The following WNK1 variants were observed in gnomAD, a reference collection of about 807,000 sequenced individuals.
WNK1 encodes serine/threonine-protein kinase WNK1.
A neutral mutation model predicts 222.8 loss-of-function variants in WNK1; 38 were observed. The ratio of observed to expected loss-of-function variants is 0.17; its 90% CI spans 0.13 to 0.22. The LOEUF (loss-of-function observed/expected upper bound fraction) is 0.22. Ranked by LOEUF, WNK1 falls within the 10% of genes least tolerant of loss-of-function variation. The probability of loss-of-function intolerance (pLI) is 1.00; values close to 1 mark genes in which losing one functional copy is unlikely to be tolerated. For missense variants in WNK1, 2,348 were observed against 2,918.4 expected (o/e 0.80, Z 4.50); for synonymous variants, 1,090 against 1,092.9 (o/e 1.00, Z 0.05).
At chr12:890,327 C>A in intron 21 of WNK1, 126 bp from the exon 22 acceptor site, 2 of 941,134 alleles carry the variant, frequency 2.1e-6, no homozygotes, top group Non-Finnish European at 3.4e-6. Context: ...TGTTCTCAGA[C>A]ATAAGTGTTT....
At chr12:892,990 C>A (rs1383239620) in intron 22 of WNK1, among the ~76,000 whole-genome samples, 1 of 152,206 alleles carries the variant, frequency 6.6e-6, no homozygotes, top group Non-Finnish European at 1.5e-5. Context: ...CATGGTGGCT[C>A]ACACCTCTAA....
chr12:879,298 A>G (rs1380847547), intron 10 of WNK1, among the ~76,000 whole-genome samples: 1 of 152,008 alleles, frequency 6.6e-6, no homozygotes, highest in Non-Finnish European at 1.5e-5. Context: ...TCTATTGCCA[A>G]ATGCTGAAGC....
At chr12:767,866 C>G (rs1941969423) in intron 1 of WNK1, among the ~76,000 whole-genome samples, 1 of 152,096 alleles carries the variant, frequency 6.6e-6, no homozygotes, top group Non-Finnish European at 1.5e-5. Flanking sequence ...AGATTTTTAT[C>G]AGGTCACACA....
intron 4 of WNK1, among the ~76,000 whole-genome samples, chr12:842,528 A>G (rs1302103436): frequency 6.6e-6 from 1 of 152,118 alleles, no homozygotes; most frequent in Admixed American, 6.6e-5. Context: ...TTTTTACCCT[A>G]TAATTACTAC....
intron 1 of WNK1, among the ~76,000 whole-genome samples, chr12:779,376 C>G (rs1943442739): frequency 6.9e-6 from 1 of 145,234 alleles, no homozygotes; most frequent in South Asian, 2.2e-4. Flanking sequence ...CTTTGCCTTT[C>G]TTTTCTTTCT....
At chr12:816,007 T>C (rs946791298) in intron 2 of WNK1, among the ~76,000 whole-genome samples, 1 of 152,152 alleles carries the variant, frequency 6.6e-6, no homozygotes, top group African/African-American at 2.4e-5. Flanking sequence ...TTAGACCACA[T>C]ATTGGTTGAG....
At chr12:875,033 A>T (rs1045334341) in intron 9 of WNK1, among the ~76,000 whole-genome samples, 3 of 152,184 alleles carry the variant, frequency 2.0e-5, no homozygotes, top group Non-Finnish European at 4.4e-5. Flanking sequence ...GCCAGAAGAT[A>T]AAAAAATTAT....
intron 25 of WNK1, among the ~76,000 whole-genome samples, chr12:899,161 A>G (rs1440639879): frequency 6.6e-6 from 1 of 152,236 alleles, no homozygotes; most frequent in African/African-American, 2.4e-5. Context: ...AGCAGTTGCA[A>G]ACTTCTTAGC....
At position 753,478 on chromosome 12, in the gene WNK1, C is replaced by G. The variant is rs1275690946; in HGVS notation, c.-88C>G. The G allele has an allele frequency of 6.3e-7, 1 of 1,581,642 alleles. No homozygotes were observed. The highest frequency in any genetic ancestry group is 8.6e-7 in the Non-Finnish European group (1 of 1,163,992). On this transcript the variant is annotated 5_prime_UTR_variant, in exon 1 of 28. Transcript: ENST00000315939. This position sits in a 1 kb window ranked among gnomAD's most constrained non-coding sequence, Gnocchi z 5.2. Reference sequence around the variant, plus strand: ...CGCGAACCCGCCCGGCCGCGGTTCCCTGCAGACCTCTGCGCGGGCGGCTCG... The same window carrying G: ...CGCGAACCCGCCCGGCCGCGGTTCCGTGCAGACCTCTGCGCGGGCGGCTCG...
At chr12:867,709 C>A in intron 8 of WNK1, 1 of 840,702 alleles carries the variant, frequency 1.2e-6, no homozygotes, top group Non-Finnish European at 1.9e-6. Flanking sequence ...TGGATTTTTA[C>A]TATGCACATA....
chr12:779,273 G>A (rs772255170), intron 1 of WNK1, among the ~76,000 whole-genome samples: 4 of 151,948 alleles, frequency 2.6e-5, no homozygotes, highest in African/African-American at 7.3e-5. Context: ...TTCAGATTTC[G>A]AATTCCCTGT....
chr12:877,624 AT>A (rs1952749460), intron 9 of WNK1, among the ~76,000 whole-genome samples: 1 of 152,264 alleles, frequency 6.6e-6, no homozygotes, highest in African/African-American at 2.4e-5. Context: ...GAGAAACTTC[AT>A]TTTTTTAATA....
At chr12:773,049 A>G (rs890407105) in intron 1 of WNK1, among the ~76,000 whole-genome samples, 5 of 152,190 alleles carry the variant, frequency 3.3e-5, no homozygotes, top group African/African-American at 7.2e-5. Context: ...ACCTGAGGTC[A>G]GGAGTTCGAG....
intron 4 of WNK1, among the ~76,000 whole-genome samples, chr12:853,858 C>T (rs1329912995): frequency 6.6e-6 from 1 of 152,110 alleles, no homozygotes; most frequent in East Asian, 2.0e-4. Context: ...TGAAATGATC[C>T]TCTGGCCCAG....
chr12:908,179 A>C, intron 27 of WNK1, 145 bp downstream of exon 27: 2 of 1,095,616 alleles, frequency 1.8e-6, no homozygotes, highest in Non-Finnish European at 1.3e-6. Context: ...TCCCCCAGGT[A>C]CCCTTTTATT....
At chr12:904,533 A>T (rs1283151182) in intron 26 of WNK1, 1 of 1,278,294 alleles carries the variant, frequency 7.8e-7, no homozygotes, top group Non-Finnish European at 1.0e-6. Flanking sequence ...CTTGATTGCA[A>T]AGCCTGTTAA....
chr12:831,593 C>T (rs1042482580), intron 4 of WNK1, among the ~76,000 whole-genome samples: 1 of 151,146 alleles, frequency 6.6e-6, no homozygotes, highest in African/African-American at 2.4e-5. Flanking sequence ...AAAAAGATTA[C>T]AAAAATGTAA....
rs1955963930 is a variant in WNK1, at chr12:909,834, G to GT, written c.*1043dup. On this transcript the variant is annotated 3_prime_UTR_variant, in exon 28 of 28. Transcript: ENST00000315939. ...GTTATGCCAAAGGGAAATTGAAAAA[G>GT]TATTTTTTTAAGTCATTCAACAACT... is the stretch of plus-strand genomic sequence containing the variant. 6.6e-6 allele frequency: 1 copy of GT among 152,168 alleles called. No homozygotes were observed. The highest frequency in any genetic ancestry group is 1.5e-5 in the Non-Finnish European group (1 of 68,034). The allele number at this position is 152,168 out of a possible 1,614,324, so 9.4% of individuals were successfully genotyped here.
intron 8 of WNK1, among the ~76,000 whole-genome samples, chr12:866,426 G>A (rs993251981): frequency 2.6e-5 from 4 of 152,268 alleles, no homozygotes; most frequent in African/African-American, 4.8e-5. Context: ...GCAGTGGCAC[G>A]ATCTCGACTC....
Sources: allele counts gnomAD v4.1 joint callset (sites outside exome capture counted in the v4.1 genomes callset), GRCh38; gene constraint gnomAD v4.1.1; non-coding constraint Gnocchi (gnomAD v3.1); transcripts MANE v1.5; gene names NCBI Gene and HGNC (gene_info 2026-07-23, HGNC 2026-07-21).